JARID2: variants seen among roughly 807,000 people sequenced by gnomAD.
JARID2 encodes protein Jumonji.
In JARID2, 21 loss-of-function variants were observed where a neutral mutation model predicts 125.6. The observed-to-expected ratio is 0.17, with a 90% confidence interval of 0.12 to 0.24. The LOEUF is 0.24. JARID2 is among the 10% of genes least tolerant of loss of function. The pLI is 1.00. For synonymous variants in JARID2, 736 were observed against 661.6 expected, an observed-to-expected ratio of 1.11 and a Z score of -1.73; for missense variants, 1,303 against 1,639.6, an observed-to-expected ratio of 0.79 and a Z score of 3.55.
chr6:15,350,999 T>TAA (rs368641063), intron 1 of JARID2, among the ~76,000 whole-genome samples: 5 of 136,876 alleles, frequency 3.7e-5, no homozygotes, highest in East Asian at 2.1e-4. Flanking sequence ...GATTTCAAAG[T>TAA]AAAAAAAAAA....
chr6:15,280,277 T>C (rs1239391924), intron 1 of JARID2, among the ~76,000 whole-genome samples: 2 of 152,228 alleles, frequency 1.3e-5, no homozygotes, highest in African/African-American at 4.8e-5. Context: ...GTAGTAATGT[T>C]GCTTCTCTAA....
At chr6:15,286,507 C>T (rs1336059454) in intron 1 of JARID2, among the ~76,000 whole-genome samples, 2 of 151,510 alleles carry the variant, frequency 1.3e-5, no homozygotes, top group Non-Finnish European at 2.9e-5. Flanking sequence ...GCCTTGGCCT[C>T]CCAAAGTGCT....
chr6:15,365,612 A>G (rs1763947575), intron 1 of JARID2, among the ~76,000 whole-genome samples: 1 of 149,170 alleles, frequency 6.7e-6, no homozygotes, highest in Non-Finnish European at 1.5e-5. Flanking sequence ...ATCCAATTTC[A>G]GCTGCAGCTT....
chr6:15,348,806 A>G (rs1011312267), intron 1 of JARID2, among the ~76,000 whole-genome samples: 4 of 152,234 alleles, frequency 2.6e-5, no homozygotes, highest in Admixed American at 2.6e-4. Flanking sequence ...TAACCAGAGT[A>G]GGCTTTGCTG....
chr6:15,501,210 C>G lies in JARID2; in HGVS notation c.2249C>G (p.Pro750Arg). Residue 750 changes from proline to arginine, a missense_variant, in exon 8 of 18, where the codon CCT (proline) becomes CGT (arginine). By Grantham distance (103) the Pro-to-Arg change is moderately radical (BLOSUM62 -2). Around this residue, in one of 11 missense-constraint regions of JARID2, gnomAD observed 124 missense variants for 131.0 expected, o/e 0.95. Coordinates refer to ENST00000341776, the MANE Select transcript of JARID2 (RefSeq NM_004973.4). The part of the protein sequence containing the change: ...HTENDHHKFH[P>R]LPRFEPKNGL... ...GAGAACGACCACCACAAGTTCCACC[C>G]TCTGCCCCGCTTCGAGCCCAAGAAT... The G allele has an allele frequency of 1.2e-6, 2 of 1,614,010 alleles. No homozygotes were observed. The highest frequency in any genetic ancestry group is 1.7e-6 in the Non-Finnish European group (2 of 1,179,890).
At chr6:15,403,390 G>A (rs1765516892) in intron 2 of JARID2, among the ~76,000 whole-genome samples, 2 of 152,070 alleles carry the variant, frequency 1.3e-5, no homozygotes, top group South Asian at 4.2e-4. Flanking sequence ...TCTTTTGGTG[G>A]TTCTTACTCA....
At chr6:15,467,599 T>C (rs1225943458) in intron 4 of JARID2, among the ~76,000 whole-genome samples, 2 of 151,932 alleles carry the variant, frequency 1.3e-5, no homozygotes, top group East Asian at 1.9e-4. Flanking sequence ...CCCAGCACTT[T>C]GGGAGGCCAA....
intron 1 of JARID2, among the ~76,000 whole-genome samples, chr6:15,249,947 G>T (rs879633579): frequency 9.2e-5 from 14 of 152,174 alleles, no homozygotes; most frequent in Non-Finnish European, 1.8e-4. Context: ...TTGCTCTAGA[G>T]ATATTTTCTG....
intron 1 of JARID2, among the ~76,000 whole-genome samples, chr6:15,263,741 C>T (rs149545722): frequency 0.014 from 2,148 of 152,108 alleles, 45 homozygotes; most frequent in African/African-American, 0.049. Flanking sequence ...TACAGGCACC[C>T]GCCACCACGC....
At chr6:15,369,553 C>A (rs142939234) in intron 1 of JARID2, among the ~76,000 whole-genome samples, 1 of 152,216 alleles carries the variant, frequency 6.6e-6, no homozygotes, top group African/African-American at 2.4e-5. Flanking sequence ...ACTGTCAAAC[C>A]CTGACTGATT....
intron 2 of JARID2, among the ~76,000 whole-genome samples, chr6:15,404,227 C>T (rs13215514): frequency 6.6e-6 from 1 of 152,084 alleles, no homozygotes; most frequent in Non-Finnish European, 1.5e-5. Flanking sequence ...CTCCCTGGAG[C>T]TCTGTGCTCC....
chr6:15,250,793 C>T (rs1759415937), intron 1 of JARID2, among the ~76,000 whole-genome samples: 1 of 152,158 alleles, frequency 6.6e-6, no homozygotes, highest in East Asian at 1.9e-4. Flanking sequence ...GCTATTGACG[C>T]ACTTCCAAGT....
chr6:15,449,493 A>C (rs1470884515), intron 3 of JARID2, among the ~76,000 whole-genome samples: 2 of 151,796 alleles, frequency 1.3e-5, no homozygotes, highest in Admixed American at 6.6e-5. Flanking sequence ...CAAAAAAAAA[A>C]ACCCAGCAAC....
At chr6:15,407,112 A>G (rs1351652487) in intron 2 of JARID2, among the ~76,000 whole-genome samples, 1 of 152,094 alleles carries the variant, frequency 6.6e-6, no homozygotes, top group Non-Finnish European at 1.5e-5. Flanking sequence ...AAAGAAAAAA[A>G]TTAGTGGGGC....
At chr6:15,423,278 G>A (rs923660455) in intron 3 of JARID2, among the ~76,000 whole-genome samples, 12 of 152,152 alleles carry the variant, frequency 7.9e-5, no homozygotes, top group Non-Finnish European at 1.3e-4. Context: ...GATTACAGGT[G>A]TGAGCCACTA....
At chr6:15,425,944 C>G (rs1766707107) in intron 3 of JARID2, among the ~76,000 whole-genome samples, 1 of 152,116 alleles carries the variant, frequency 6.6e-6, no homozygotes, top group Non-Finnish European at 1.5e-5. Context: ...TAGTATTGTG[C>G]TTTTCTGGGT....
intron 1 of JARID2, among the ~76,000 whole-genome samples, chr6:15,250,854 C>T (rs934387637): frequency 9.9e-5 from 15 of 151,972 alleles, no homozygotes; most frequent in African/African-American, 3.1e-4. Context: ...AAATGTTAAA[C>T]TTTCCTCCTT....
At chr6:15,487,217 G>T in intron 5 of JARID2, 90 bp from the exon 6 acceptor site, 1 of 1,026,938 alleles carries the variant, frequency 9.7e-7, no homozygotes, top group Non-Finnish European at 1.5e-6. Flanking sequence ...CATGAGATTT[G>T]GGTGGGGACA....
intron 2 of JARID2, among the ~76,000 whole-genome samples, chr6:15,390,602 T>C (rs531708752): frequency 5.1e-4 from 77 of 152,318 alleles, no homozygotes; most frequent in African/African-American, 1.7e-3. Context: ...CCTGTCCTTT[T>C]GTGGGGGTAG....
Sources: gnomAD v4.1 joint callset for allele counts (sites outside exome capture counted in the v4.1 genomes callset) on GRCh38, gnomAD v4.1.1 for gene constraint, gnomAD v4.1.1 regional missense constraint, MANE v1.5 for transcripts, NCBI Gene and HGNC (gene_info 2026-07-23, HGNC 2026-07-21) for gene names.